The following ABCA13 variants were observed in gnomAD, a reference collection of about 807,000 sequenced individuals.
ABCA13 encodes ATP-binding cassette sub-family A member 13.
A neutral mutation model predicts 478.7 loss-of-function variants in ABCA13; 476 were observed. The ratio of observed to expected loss-of-function variants is 0.99; its 90% CI spans 0.92 to 1.07. The LOEUF is 1.07. Ranked by LOEUF, ABCA13 falls within the 50% of genes least tolerant of loss-of-function variation. The pLI is 0.00. For synonymous variants in ABCA13, 2,252 were observed against 2,158.9 expected, an observed-to-expected ratio of 1.04 and a Z score of -1.20; for missense variants, 6,060 against 5,910.6, an observed-to-expected ratio of 1.03 and a Z score of -0.83.
chr7:48,323,387 A>C (rs1419168679), intron 27 of ABCA13, among the ~76,000 whole-genome samples: 8 of 152,218 alleles, frequency 5.3e-5, no homozygotes, highest in Admixed American at 5.2e-4. Context: ...CTGGTGTTAA[A>C]TATACAAGGG....
rs371663666 is a variant in ABCA13, at chr7:48,412,473, C to A, written c.12349C>A (p.Pro4117Thr). ...TGGAAGTGAGCTGACCTACACCATTCCAAAGGACACAGACAAGGCCTGCTT... is the reference window on the plus strand; with the variant it reads ...TGGAAGTGAGCTGACCTACACCATTACAAAGGACACAGACAAGGCCTGCTT... ...SSGSELTYTIPKDTDKACLKG... is the reference protein window; with the variant it reads ...SSGSELTYTITKDTDKACLKG... The change falls in exon 41 of 62, where the codon CCA becomes ACA. Residue 4117 changes from proline to threonine, a missense_variant. Around this residue, in one of 3 missense-constraint regions of ABCA13, gnomAD observed 1,627 missense variants for 1,571.0 expected, o/e 1.04. Coordinates refer to ENST00000435803, the MANE Select transcript of ABCA13 (RefSeq NM_152701.5). 2.9e-4 allele frequency: 464 copies of A among 1,613,590 alleles called. No individual in the cohort carries two copies. The highest frequency in any genetic ancestry group is 3.8e-4 in the Non-Finnish European group (444 of 1,179,828).
chr7:48,402,845 G>C (rs367869447), intron 38 of ABCA13, among the ~76,000 whole-genome samples: 36 of 152,338 alleles, frequency 2.4e-4, no homozygotes, highest in African/African-American at 7.5e-4. Flanking sequence ...GTAGAAACAT[G>C]CCTGCAGCTC....
chr7:48,279,344 T>A lies in ABCA13; in HGVS notation c.8150T>A (p.Ile2717Asn). ...AAATGGGAAATAATTCATGAAGTGA[T>A]CCCTTTTTTGGATAAAATATTATCA... ...DIKWEIIHEV[I>N]PFLDKILSQN... is the part of the protein sequence containing the mutation. Residue 2717 changes from isoleucine (I) to asparagine (N), a missense_variant, in exon 18 of 62, where the codon ATC (isoleucine) becomes AAC (asparagine). By Grantham distance (149) the Ile-to-Asn change is moderately radical. Around this residue, in one of 3 missense-constraint regions of ABCA13, gnomAD observed 4,423 missense variants for 4,309.1 expected, o/e 1.03. Coordinates refer to ENST00000435803, the MANE Select transcript of ABCA13 (RefSeq NM_152701.5). 2 of 1,586,190 alleles carry A rather than the reference T, an allele frequency of 1.3e-6. No homozygotes were observed. The highest frequency in any genetic ancestry group is 1.7e-6 in the Non-Finnish European group (2 of 1,163,910).
chr7:48,241,998 AG>A (rs1159694927), intron 10 of ABCA13, among the ~76,000 whole-genome samples: 6 of 152,224 alleles, frequency 3.9e-5, no homozygotes, highest in Non-Finnish European at 5.9e-5. Context: ...GGATGGATGC[AG>A]GGAGCCAGCA....
Position 48,616,964 on chromosome 7 carries a change from A to G in ABCA13, c.14837+1587A>G, listed in dbSNP as rs1446533446. Among the ~76,000 whole-genome samples the G allele has an allele frequency of 2.0e-5, 3 of 152,140 alleles. No homozygotes were observed. The East Asian group carries it at 5.8e-4, about 29-fold the overall frequency. On this transcript the variant is annotated intron_variant, in intron 59 of 61. Coordinates refer to ENST00000435803, the MANE Select transcript of ABCA13 (RefSeq NM_152701.5). ...TAGGAGAATCAGTTGTGTCCAAGAG[A>G]TCGAGGCTGCAGTAAGCCATGATTG...
At chr7:48,473,853 A>G (rs1827789431) in intron 45 of ABCA13, among the ~76,000 whole-genome samples, 1 of 152,184 alleles carries the variant, frequency 6.6e-6, no homozygotes, top group Non-Finnish European at 1.5e-5. Context: ...TTTTGGAGGA[A>G]CTAGTCTGCT....
At chr7:48,516,521 T>C (rs964622705) in intron 51 of ABCA13, among the ~76,000 whole-genome samples, 1 of 152,156 alleles carries the variant, frequency 6.6e-6, no homozygotes. Flanking sequence ...TACTACTCAT[T>C]GTTCTTAATC....
intron 19 of ABCA13, among the ~76,000 whole-genome samples, chr7:48,287,008 G>A (rs137864667): frequency 1.4e-3 from 212 of 152,314 alleles, no homozygotes; most frequent in African/African-American, 4.9e-3. Flanking sequence ...AAATTTGCCC[G>A]TGGCAGGTCT....
intron 31 of ABCA13, among the ~76,000 whole-genome samples, chr7:48,361,714 A>G (rs2129005356): frequency 6.6e-6 from 1 of 151,518 alleles, no homozygotes; most frequent in South Asian, 2.1e-4. Flanking sequence ...TATCCCATAG[A>G]TCTCATATGT....
intron 15 of ABCA13, among the ~76,000 whole-genome samples, chr7:48,252,335 A>G (rs1415667248): frequency 1.3e-5 from 2 of 152,136 alleles, no homozygotes; most frequent in East Asian, 3.9e-4. Flanking sequence ...TTCTTTGTAA[A>G]TACAGCCATG....
At chr7:48,289,113 C>G (rs769769787) in intron 20 of ABCA13, among the ~76,000 whole-genome samples, 1 of 152,108 alleles carries the variant, frequency 6.6e-6, no homozygotes, top group Non-Finnish European at 1.5e-5. Context: ...GCAAGGGTGT[C>G]GAATGCCATG....
intron 59 of ABCA13, among the ~76,000 whole-genome samples, chr7:48,630,143 A>C (rs1353561823): frequency 6.6e-6 from 1 of 152,104 alleles, no homozygotes; most frequent in Non-Finnish European, 1.5e-5. Context: ...TATTTCAAGG[A>C]TAAAATGTCT....
chr7:48,213,253 C>T lies in ABCA13; in HGVS notation c.288-6101C>T, dbSNP rs77027316. On this transcript the variant is annotated intron_variant, in intron 3 of 61. Coordinates refer to ENST00000435803, the MANE Select transcript of ABCA13 (RefSeq NM_152701.5). ...AATAGTATGAAGGGCTGTTTTTGGA[C>T]TCTCAGATCTTGTAGGTTTCATTTC... Among the ~76,000 whole-genome samples, 775 of 152,266 alleles carry T rather than the reference C, an allele frequency of 5.1e-3. 3 individuals carry two copies. The highest frequency in any genetic ancestry group is 0.018 in the African/African-American group (733 of 41,564).
intron 55 of ABCA13, among the ~76,000 whole-genome samples, chr7:48,532,660 A>T (rs12531822): frequency 0.46 from 69,827 of 151,712 alleles, 18,858 homozygotes; most frequent in African/African-American, 0.76. Flanking sequence ...TAATTTTTTT[A>T]ATTATCATTT....
intron 55 of ABCA13, among the ~76,000 whole-genome samples, chr7:48,564,240 T>G (rs1786786439): frequency 6.6e-6 from 1 of 151,574 alleles, no homozygotes. Flanking sequence ...TTTAAATCTG[T>G]AAAATAATAA....
At chr7:48,473,154 C>T (rs1323486294) in intron 45 of ABCA13, among the ~76,000 whole-genome samples, 1 of 152,186 alleles carries the variant, frequency 6.6e-6, no homozygotes, top group Non-Finnish European at 1.5e-5. Context: ...AGTTATCTCC[C>T]ATTGGGGTCC....
intron 55 of ABCA13, among the ~76,000 whole-genome samples, chr7:48,547,313 C>T (rs1156575969): frequency 6.6e-6 from 1 of 151,910 alleles, no homozygotes; most frequent in African/African-American, 2.4e-5. Context: ...TTCTCTATTA[C>T]ATAGTTATAT....
At chr7:48,220,931 T>C (rs1185414282) in intron 4 of ABCA13, among the ~76,000 whole-genome samples, 2 of 152,270 alleles carry the variant, frequency 1.3e-5, no homozygotes, top group African/African-American at 2.4e-5. Context: ...CCTTCATTTT[T>C]TTCTTTTTAA....
At chr7:48,472,384 A>C (rs1448532713) in intron 45 of ABCA13, among the ~76,000 whole-genome samples, 1 of 152,206 alleles carries the variant, frequency 6.6e-6, no homozygotes, top group East Asian at 1.9e-4. Context: ...AGACAAATTA[A>C]TATAGGTAGA....
Sources: gnomAD v4.1 joint callset for allele counts (sites outside exome capture counted in the v4.1 genomes callset) on GRCh38, gnomAD v4.1.1 for gene constraint, gnomAD v4.1.1 regional missense constraint, MANE v1.5 for transcripts, NCBI Gene and HGNC (gene_info 2026-07-23, HGNC 2026-07-21) for gene names.